SOS2: variants seen among roughly 807,000 people sequenced by gnomAD.
SOS2 encodes son of sevenless homolog 2.
A neutral mutation model predicts 148.2 loss-of-function variants in SOS2; 65 were observed. The observed-to-expected ratio is 0.44, with a 90% CI of 0.36 to 0.54. SOS2 has a LOEUF of 0.54. SOS2 is among the 20% of genes least tolerant of loss of function. The pLI, the probability that SOS2 is intolerant of heterozygous loss-of-function variation, is 0.00. For missense variants in SOS2, 1,341 were observed against 1,590.2 expected (o/e 0.84, Z 2.67); for synonymous variants, 539 against 537.1 (o/e 1.00, Z -0.05).
At chr14:50,141,563 A>G (rs1042179301) in intron 16 of SOS2, among the ~76,000 whole-genome samples, 1 of 152,120 alleles carries the variant, frequency 6.6e-6, no homozygotes, top group Non-Finnish European at 1.5e-5. Context: ...TACATCTAGC[A>G]AAAGAGGTAT....
intron 1 of SOS2, among the ~76,000 whole-genome samples, chr14:50,227,739 T>C (rs1156806615): frequency 2.0e-5 from 3 of 152,234 alleles, no homozygotes; most frequent in Non-Finnish European, 4.4e-5. Flanking sequence ...TGTGTTTCTA[T>C]GTAATGCAAT....
At chr14:50,171,516 T>C (rs1255127272) in intron 8 of SOS2, among the ~76,000 whole-genome samples, 1 of 151,892 alleles carries the variant, frequency 6.6e-6, no homozygotes, top group Non-Finnish European at 1.5e-5. Context: ...AAACCCTGTC[T>C]ATACTAAAAA....
rs756103351 is a variant in SOS2, at chr14:50,130,503, C to T, written c.3335G>A (p.Cys1112Tyr). Residue 1112 changes from cysteine (C) to tyrosine (Y), a missense_variant and splice_region_variant, in exon 20 of 23, where the codon TGT becomes TAT. Cys to Tyr is a radical substitution (Grantham distance 194, BLOSUM62 -2). Transcript: ENST00000216373. The part of the protein sequence containing the change: ...VFLDVDLNSS[C>Y]GSNSIFAPVL... ...AGCGGTTTACATCAAATACTTACCA[C>T]AGGAGCTGTTGAGATCCACATCTAA... 3.8e-5 allele frequency: 62 copies of T among 1,613,024 alleles called. No homozygotes were observed. Among genetic ancestry groups the T allele is most frequent in the Non-Finnish European group, 5.1e-5 (60 of 1,179,416 alleles).
At chr14:50,119,409 T>G (rs1883421002) in intron 22 of SOS2, among the ~76,000 whole-genome samples, 2 of 152,248 alleles carry the variant, frequency 1.3e-5, no homozygotes, top group African/African-American at 4.8e-5. Flanking sequence ...GTAATTCTGA[T>G]GCACCCTTAA....
At chr14:50,209,292 T>TGTGC (rs1308221386) in intron 1 of SOS2, among the ~76,000 whole-genome samples, 56 of 150,386 alleles carry the variant, frequency 3.7e-4, no homozygotes, top group African/African-American at 1.3e-3. Flanking sequence ...TGTGTGTGTG[T>TGTGC]GTGTGTGTGT....
intron 2 of SOS2, among the ~76,000 whole-genome samples, chr14:50,201,909 T>C (rs1235432359): frequency 1.3e-5 from 2 of 152,324 alleles, no homozygotes; most frequent in African/African-American, 4.8e-5. Flanking sequence ...AATACGTACC[T>C]TGACAAAAAC....
chr14:50,208,776 A>G (rs531630441), intron 1 of SOS2, among the ~76,000 whole-genome samples: 17 of 152,378 alleles, frequency 1.1e-4, no homozygotes, highest in African/African-American at 4.1e-4. Context: ...ATTCCACATT[A>G]TATTTGGAGG....
At chr14:50,227,241 TTC>T (rs1269554554) in intron 1 of SOS2, among the ~76,000 whole-genome samples, 1 of 98,340 alleles carries the variant, frequency 1.0e-5, no homozygotes, top group South Asian at 2.8e-4. Flanking sequence ...TTTTCTTTCT[TTC>T]TTTCTTTTTT....
chr14:50,219,111 C>CA (rs146392357), intron 1 of SOS2, among the ~76,000 whole-genome samples: 31,978 of 138,412 alleles, frequency 0.23, 3,742 homozygotes, highest in East Asian at 0.46. Context: ...GATTTCGTCT[C>CA]AAAAAAAAAA....
In SOS2 at chr14:50,159,808, A is replaced by T; in HGVS notation, c.1475T>A (p.Phe492Tyr). 2 of 1,614,034 alleles carry T rather than the reference A, an allele frequency of 1.2e-6. No homozygotes were observed. The highest frequency in any genetic ancestry group is 1.7e-6 in the Non-Finnish European group (2 of 1,180,008). The change falls in exon 10 of 23, where the codon TTT becomes TAT. Residue 492 changes from phenylalanine to tyrosine, a missense_variant. Phe to Tyr is a conservative substitution (Grantham distance 22, BLOSUM62 3). Coordinates refer to ENST00000216373, the MANE Select transcript of SOS2 (RefSeq NM_006939.4). The part of the protein sequence containing the change: ...SSAEYRLKEK[F>Y]VMRKIQICDK... ...ACAAATTTGTATTTTCCTCATGACA[A>T]ATTTTTCTTTTAACCTGTATTCTGC...
intron 1 of SOS2, among the ~76,000 whole-genome samples, chr14:50,212,685 CAG>C (rs1221022548): frequency 6.6e-6 from 1 of 152,104 alleles, no homozygotes; most frequent in East Asian, 1.9e-4. Context: ...ATCTAGCAAA[CAG>C]AGGAAATTGA....
At chr14:50,134,276 A>T in intron 18 of SOS2, 37 bp from the exon 19 acceptor site, 2 of 941,894 alleles carry the variant, frequency 2.1e-6, no homozygotes, top group Middle Eastern at 2.9e-4. Context: ...CATATATAGT[A>T]AGTATATATT....
intron 4 of SOS2, among the ~76,000 whole-genome samples, chr14:50,196,867 C>T (rs1321019230): frequency 6.6e-6 from 1 of 151,604 alleles, no homozygotes; most frequent in African/African-American, 2.4e-5. Context: ...TCTGGAACAA[C>T]CGGAACTTTT....
intron 14 of SOS2, among the ~76,000 whole-genome samples, chr14:50,148,320 G>C (rs978416138): frequency 6.7e-6 from 1 of 149,904 alleles, no homozygotes; most frequent in African/African-American, 2.5e-5. Context: ...TGAGGCATGA[G>C]AATCACTTGA....
At chr14:50,193,141 T>C (rs1886203456) in intron 4 of SOS2, among the ~76,000 whole-genome samples, 1 of 152,080 alleles carries the variant, frequency 6.6e-6, no homozygotes, top group African/African-American at 2.4e-5. Flanking sequence ...AATATTTTTT[T>C]TATTTTTAGT....
chr14:50,197,689 C>CTTTTTTTTTTTTTTTT (rs35121759), intron 4 of SOS2, among the ~76,000 whole-genome samples: 3 of 125,852 alleles, frequency 2.4e-5, no homozygotes, highest in Non-Finnish European at 3.3e-5. Context: ...GCTTTACCAC[C>CTTTTTTTTTTTTTTTT]TTTTTTTTTT....
intron 7 of SOS2, among the ~76,000 whole-genome samples, chr14:50,179,951 A>T (rs1004309589): frequency 1.3e-5 from 2 of 152,050 alleles, no homozygotes; most frequent in African/African-American, 4.8e-5. Context: ...TCTTCCTCCT[A>T]TAGGGAACAT....
At chr14:50,208,674 A>G (rs1886757122) in intron 1 of SOS2, among the ~76,000 whole-genome samples, 1 of 152,206 alleles carries the variant, frequency 6.6e-6, no homozygotes, top group Non-Finnish European at 1.5e-5. Flanking sequence ...AAACAAAAAA[A>G]GCTACAATAA....
chr14:50,209,081 T>G (rs988733831), intron 1 of SOS2, among the ~76,000 whole-genome samples: 1 of 152,192 alleles, frequency 6.6e-6, no homozygotes, highest in African/African-American at 2.4e-5. Context: ...TGACTGTATT[T>G]GAGCTGGGAC....
Sources: gnomAD v4.1 joint callset for allele counts (sites outside exome capture counted in the v4.1 genomes callset) on GRCh38, gnomAD v4.1.1 for gene constraint, MANE v1.5 for transcripts, NCBI Gene and HGNC (gene_info 2026-07-23, HGNC 2026-07-21) for gene names.